ZCCHC14: variants seen among roughly 807,000 people sequenced by gnomAD.
The protein encoded by ZCCHC14 is zinc finger CCHC-type containing 14.
Under a neutral mutation model 85.0 loss-of-function variants are expected in ZCCHC14, and 16 were observed. The ratio of observed to expected loss-of-function variants is 0.19; its 90% CI spans 0.13 to 0.29. The LOEUF (loss-of-function observed/expected upper bound fraction) is 0.29. ZCCHC14 is among the 10% of genes least tolerant of loss of function. The pLI is 1.00. For synonymous variants in ZCCHC14, 775 were observed against 630.7 expected, an observed-to-expected ratio of 1.23 and a Z score of -3.43; for missense variants, 1,303 against 1,443.5, an observed-to-expected ratio of 0.90 and a Z score of 1.58.
At chr16:87,457,946 T>G (rs1331282478) in intron 2 of ZCCHC14, among the ~76,000 whole-genome samples, 1 of 151,896 alleles carries the variant, frequency 6.6e-6, no homozygotes, top group African/African-American at 2.4e-5. Context: ...CACTGTGGGG[T>G]TTGAGAATGA....
intron 3 of ZCCHC14, among the ~76,000 whole-genome samples, chr16:87,431,417 G>T (rs1032705177): frequency 6.7e-6 from 1 of 148,940 alleles, no homozygotes; most frequent in African/African-American, 2.5e-5. Context: ...AGCTTACAGT[G>T]AGCCGAGATC....
At chr16:87,422,692 T>A (rs1909164750) in intron 4 of ZCCHC14, among the ~76,000 whole-genome samples, 1 of 150,724 alleles carries the variant, frequency 6.6e-6, no homozygotes, top group African/African-American at 2.4e-5. Context: ...GCCAAGATCA[T>A]ACCACTGCAC....
At chr16:87,421,598 G>A (rs564632333) in intron 4 of ZCCHC14, among the ~76,000 whole-genome samples, 2 of 152,166 alleles carry the variant, frequency 1.3e-5, no homozygotes, top group South Asian at 4.2e-4. Flanking sequence ...AAGCAGCAGC[G>A]GTCTACCCCC....
Position 87,489,166 on chromosome 16 carries a change from C to G in ZCCHC14, c.570+2503G>C, listed in dbSNP as rs150442847. Among the ~76,000 whole-genome samples, 888 of 152,230 alleles carry G rather than the reference C, an allele frequency of 5.8e-3. 22 individuals carry two copies. The East Asian group carries it at 0.081, about 14-fold the overall frequency. On this transcript the variant is annotated intron_variant, in intron 1 of 12. Transcript: ENST00000671377. Reference sequence around the variant, plus strand: ...CTTAGCTTTGAAGCAGCAACAGAAACGAAAGTTAAATGAATGGGGCTGAAA... The same window carrying G: ...CTTAGCTTTGAAGCAGCAACAGAAAGGAAAGTTAAATGAATGGGGCTGAAA...
chr16:87,432,779 T>C (rs531132361), intron 3 of ZCCHC14, among the ~76,000 whole-genome samples: 4 of 152,224 alleles, frequency 2.6e-5, no homozygotes, highest in Non-Finnish European at 4.4e-5. Flanking sequence ...CAAGGAGCTT[T>C]CATCATCAGT....
intron 1 of ZCCHC14, among the ~76,000 whole-genome samples, chr16:87,490,347 A>T (rs1345693066): frequency 6.6e-6 from 1 of 152,246 alleles, no homozygotes; most frequent in African/African-American, 2.4e-5. Context: ...AGACACTGCA[A>T]AGAGACACTG....
intron 3 of ZCCHC14, among the ~76,000 whole-genome samples, 176 bp downstream of exon 3, chr16:87,432,952 C>G (rs888335050): frequency 6.6e-6 from 1 of 151,320 alleles, no homozygotes; most frequent in Non-Finnish European, 1.5e-5. Context: ...GGCCCCCCAG[C>G]CAACAACCCC....
rs138206649 is a variant in ZCCHC14 at position 87,459,887 on chromosome 16, T to G, written c.694+121A>C. 3 of 1,444,610 alleles carry G rather than the reference T, an allele frequency of 2.1e-6. No homozygotes were observed. The African/African-American group carries it at 4.3e-5, about 20-fold the overall frequency. 89.5% of individuals were successfully genotyped at this position (1,444,610 alleles called of 1,614,324 possible). A position where few individuals can be genotyped will look rare whatever the true frequency, so the allele number is the denominator to read the frequency against. On this transcript the variant is annotated intron_variant, in intron 2 of 12. Transcript: ENST00000671377. ...GTATTGCTTATAGAATTTAGAAAAA[T>G]ACACATAAGATTGGCATTTATGAAA...
At chr16:87,447,335 T>G (rs192154656) in intron 2 of ZCCHC14, among the ~76,000 whole-genome samples, 52 of 152,108 alleles carry the variant, frequency 3.4e-4, no homozygotes, top group Non-Finnish European at 6.2e-4. Flanking sequence ...GAAATTTACA[T>G]AGAGCAAAAT....
rs377342059 is a variant in ZCCHC14, at chr16:87,478,396, G to C, written c.570+13273C>G. Among the ~76,000 whole-genome samples the C allele has an allele frequency of 5.3e-4, 80 of 152,272 alleles. No individual in the cohort carries two copies. The South Asian group carries it at 0.016, about 30-fold the overall frequency. On this transcript the variant is annotated intron_variant, in intron 1 of 12. Coordinates refer to ENST00000671377, the MANE Select transcript of ZCCHC14 (RefSeq NM_015144.3). ...ACAATAGAAAAAAGGCCTGGGAGTC[G>C]GGGTGCAGAGAAGGTTGGAACCGAC...
chr16:87,453,524 G>C (rs1044653776), intron 2 of ZCCHC14, among the ~76,000 whole-genome samples: 66 of 152,300 alleles, frequency 4.3e-4, no homozygotes, highest in African/African-American at 1.5e-3. Context: ...GAGCGTCCCA[G>C]ACAAAGCCCA....
At chr16:87,465,088 G>A (rs1217682367) in intron 1 of ZCCHC14, among the ~76,000 whole-genome samples, 1 of 152,170 alleles carries the variant, frequency 6.6e-6, no homozygotes, top group African/African-American at 2.4e-5. Context: ...GCTGCCCTGG[G>A]CACAGCAGTC....
At chr16:87,427,820 CACTTTTT>C (rs1597409817) in intron 3 of ZCCHC14, among the ~76,000 whole-genome samples, 1 of 19,778 alleles carries the variant, frequency 5.1e-5, no homozygotes, top group East Asian at 3.3e-4. Flanking sequence ...GTACTTTTTG[CACTTTTT>C]GCAGTGATGG....
At chr16:87,460,747 T>C (rs150670840) in intron 1 of ZCCHC14, among the ~76,000 whole-genome samples, 1 of 152,170 alleles carries the variant, frequency 6.6e-6, no homozygotes, top group African/African-American at 2.4e-5. Flanking sequence ...TATTTTTATT[T>C]GAGGCAAACT....
intron 2 of ZCCHC14, among the ~76,000 whole-genome samples, chr16:87,448,289 A>T (rs1268903871): frequency 6.6e-6 from 1 of 152,164 alleles, no homozygotes; most frequent in African/African-American, 2.4e-5. Flanking sequence ...TGGCAAGTCC[A>T]ATGTTAGCCT....
At chr16:87,422,911 G>GGC (rs1909178375) in intron 4 of ZCCHC14, among the ~76,000 whole-genome samples, 1 of 152,124 alleles carries the variant, frequency 6.6e-6, no homozygotes, top group African/African-American at 2.4e-5. Flanking sequence ...TTCCCGGGGG[G>GGC]GGGTGTGTGT....
intron 1 of ZCCHC14, among the ~76,000 whole-genome samples, chr16:87,490,718 G>C (rs1338689081): frequency 6.6e-6 from 1 of 152,230 alleles, no homozygotes; most frequent in African/African-American, 2.4e-5. Context: ...GGCATTTAAG[G>C]CTCTGGGAGT....
intron 1 of ZCCHC14, among the ~76,000 whole-genome samples, chr16:87,490,733 TTCTG>T (rs758660195): frequency 4.6e-5 from 7 of 152,232 alleles, no homozygotes; most frequent in Non-Finnish European, 7.3e-5. Flanking sequence ...GGGAGTCTTT[TTCTG>T]TCTGTTACAG....
intron 1 of ZCCHC14, among the ~76,000 whole-genome samples, chr16:87,479,563 A>C (rs142682087): frequency 0.017 from 2,542 of 152,318 alleles, 26 homozygotes; most frequent in Middle Eastern, 0.048. Context: ...TGAAAGTATA[A>C]AAGAAATACA....
Sources: gnomAD v4.1 joint callset for allele counts (sites outside exome capture counted in the v4.1 genomes callset) on GRCh38, gnomAD v4.1.1 for gene constraint, MANE v1.5 for transcripts, NCBI Gene and HGNC (gene_info 2026-07-23, HGNC 2026-07-21) for gene names.